Variants in MBNL2 observed in about 807,000 individuals in gnomAD.
The protein encoded by MBNL2 is muscleblind like splicing regulator 2, also known as muscleblind-like protein 2.
In MBNL2, 17 loss-of-function variants were observed where a neutral mutation model predicts 41.9. That is an observed-to-expected ratio of 0.41 (90% CI 0.28 to 0.61). The LOEUF (loss-of-function observed/expected upper bound fraction) is 0.61. MBNL2 is among the 20% of genes least tolerant of loss of function. MBNL2 has a pLI of 0.35. For missense variants in MBNL2, 336 were observed against 505.6 expected (o/e 0.66, Z 3.22); for synonymous variants, 195 against 182.9 (o/e 1.07, Z -0.53).
At chr13:97,349,371 C>T (rs9584558) in intron 5 of MBNL2, among the ~76,000 whole-genome samples, 3,188 of 152,220 alleles carry the variant, frequency 0.021, 119 homozygotes, top group African/African-American at 0.072. Flanking sequence ...TTTGCCAATG[C>T]GACATCCATT....
chr13:97,251,029 A>G (rs1288956911), intron 1 of MBNL2, among the ~76,000 whole-genome samples: 3 of 151,734 alleles, frequency 2.0e-5, no homozygotes, highest in Non-Finnish European at 4.4e-5. Flanking sequence ...AGGAAGAAGA[A>G]CTCTTGTACG....
intron 2 of MBNL2, among the ~76,000 whole-genome samples, chr13:97,302,802 T>C (rs1032240427): frequency 2.0e-5 from 3 of 152,102 alleles, no homozygotes; most frequent in Non-Finnish European, 4.4e-5. Flanking sequence ...GTGAGGCTGT[T>C]GACAGGAAAG....
At chr13:97,212,385 A>G in the MBNL2 span, among the ~76,000 whole-genome samples, 1 of 152,100 alleles carries the variant, frequency 6.6e-6, no homozygotes, top group Non-Finnish European at 1.5e-5. Flanking sequence ...TAGAAGCCAC[A>G]GCTACCCCCA....
At chr13:97,361,750 T>C (rs2153113122) in intron 7 of MBNL2, among the ~76,000 whole-genome samples, 1 of 146,278 alleles carries the variant, frequency 6.8e-6, no homozygotes, top group African/African-American at 2.5e-5. Flanking sequence ...CGGATTTTTA[T>C]AGGCGTAATT....
rs1255870742 is a variant in MBNL2 at position 97,343,008 on chromosome 13, T to G, written c.340-8T>G. ...AACTCTTTCTCCTGTGTTGTCTTCCTTTAACAGCCCACTTTCCCTGTAGGT... is the reference window on the plus strand; with the variant it reads ...AACTCTTTCTCCTGTGTTGTCTTCCGTTAACAGCCCACTTTCCCTGTAGGT... On this transcript the variant is annotated splice_polypyrimidine_tract_variant and splice_region_variant and intron_variant, in intron 3 of 8. Coordinates refer to ENST00000679496, the MANE Select transcript of MBNL2 (RefSeq NM_001382683.1). 1.9e-6 allele frequency: 3 copies of G among 1,594,458 alleles called. No homozygotes were observed. The highest frequency in any genetic ancestry group is 2.6e-6 in the Non-Finnish European group (3 of 1,162,550).
upstream of MBNL2, among the ~76,000 whole-genome samples, chr13:97,221,998 G>A (rs1594050992): frequency 6.6e-6 from 1 of 152,166 alleles, no homozygotes; most frequent in African/African-American, 2.4e-5. Context: ...TGGAATCTGC[G>A]GAGTTTCACA....
intron 8 of MBNL2, among the ~76,000 whole-genome samples, chr13:97,373,304 T>TCTAA (rs2064573825): frequency 6.6e-6 from 1 of 152,054 alleles, no homozygotes; most frequent in Non-Finnish European, 1.5e-5. Flanking sequence ...TTGCTTACAT[T>TCTAA]CTAACTGTAG....
chr13:97,152,501 T>C, the MBNL2 span, among the ~76,000 whole-genome samples: 2 of 152,122 alleles, frequency 1.3e-5, no homozygotes, highest in Non-Finnish European at 2.9e-5. Context: ...CATTCTTAAA[T>C]TTCAAAATAC....
chr13:97,205,106 G>T, the MBNL2 span, among the ~76,000 whole-genome samples: 1 of 150,720 alleles, frequency 6.6e-6, no homozygotes, highest in African/African-American at 2.4e-5. Flanking sequence ...GGGAGGTGGA[G>T]GTTGCAGTGA....
chr13:97,312,771 C>A (rs2058723074), intron 2 of MBNL2, among the ~76,000 whole-genome samples: 1 of 152,190 alleles, frequency 6.6e-6, no homozygotes, highest in African/African-American at 2.4e-5. Context: ...GAAAAATTTT[C>A]TCTGTGCATC....
At chr13:97,322,392 C>T (rs560301287) in intron 2 of MBNL2, among the ~76,000 whole-genome samples, 15 of 152,268 alleles carry the variant, frequency 9.9e-5, no homozygotes, top group Non-Finnish European at 1.5e-4. Flanking sequence ...GTTCAATTTA[C>T]GATTTTTGAC....
chr13:97,290,429 C>T (rs1344130675), intron 2 of MBNL2, among the ~76,000 whole-genome samples: 1 of 151,844 alleles, frequency 6.6e-6, no homozygotes, highest in African/African-American at 2.4e-5. Context: ...GTAATCCCAG[C>T]ACTTTGGGAG....
chr13:97,268,504 C>A lies in MBNL2; in HGVS notation c.-604-7128C>A, dbSNP rs1333459778. Among the ~76,000 whole-genome samples, 5 of 152,206 alleles carry A rather than the reference C, an allele frequency of 3.3e-5. No individual in the cohort carries two copies. Among genetic ancestry groups the A allele is most frequent in the African/African-American group, 4.8e-5 (2 of 41,464 alleles). On this transcript the variant is annotated intron_variant, in intron 1 of 8. Coordinates refer to ENST00000679496, the MANE Select transcript of MBNL2 (RefSeq NM_001382683.1). This position sits in a 1 kb window ranked among gnomAD's most constrained non-coding sequence, Gnocchi z 4.6. ...CTAAAGATCTGGGCATTGAGGCTCA[C>A]GGTGTGCATCCCTGGGGCAGCTCCC...
chr13:97,301,652 G>A (rs2057632230), intron 2 of MBNL2, among the ~76,000 whole-genome samples: 1 of 152,186 alleles, frequency 6.6e-6, no homozygotes, highest in African/African-American at 2.4e-5. Flanking sequence ...GCTGTATCAT[G>A]CTTCACTTGG....
chr13:97,222,594 T>C, intron 1 of MBNL2, 63 bp downstream of exon 1: 1 of 396,128 alleles, frequency 2.5e-6, no homozygotes, highest in Non-Finnish European at 4.4e-6. Context: ...CTGCATTCCA[T>C]GTGTGCTGCT....
At chr13:97,295,485 ATTTG>A (rs2056867886) in intron 2 of MBNL2, among the ~76,000 whole-genome samples, 1 of 151,242 alleles carries the variant, frequency 6.6e-6, no homozygotes, top group African/African-American at 2.4e-5. Context: ...TTGGAAAATC[ATTTG>A]TTTGTGCCTG....
At chr13:97,244,596 T>TA (rs2045063167) in intron 1 of MBNL2, among the ~76,000 whole-genome samples, 1 of 152,248 alleles carries the variant, frequency 6.6e-6, no homozygotes, top group African/African-American at 2.4e-5. Context: ...AACGACTAGA[T>TA]AATGTGCCTT....
At chr13:97,209,403 T>C in the MBNL2 span, among the ~76,000 whole-genome samples, 1 of 152,232 alleles carries the variant, frequency 6.6e-6, no homozygotes, top group Admixed American at 6.5e-5. Flanking sequence ...ATTAAGTCTT[T>C]AACCTGATGT....
At chr13:97,265,964 G>A (rs1308191124) in intron 1 of MBNL2, among the ~76,000 whole-genome samples, 9 of 152,132 alleles carry the variant, frequency 5.9e-5, no homozygotes, top group East Asian at 1.9e-4. Context: ...AAATTAGGCC[G>A]GGCACGGTGG....
Sources: gnomAD v4.1 joint callset for allele counts (sites outside exome capture counted in the v4.1 genomes callset) on GRCh38, gnomAD v4.1.1 for gene constraint, Gnocchi (gnomAD v3.1) non-coding constraint, MANE v1.5 for transcripts, NCBI Gene and HGNC (gene_info 2026-07-23, HGNC 2026-07-21) for gene names.